GRIP1: variants seen among roughly 807,000 people sequenced by gnomAD.
GRIP1 encodes the protein glutamate receptor interacting protein 1.
GRIP1 carries 45 observed loss-of-function variants against 129.9 expected under a neutral mutation model. That is an observed-to-expected ratio of 0.35 (90% confidence interval 0.27 to 0.44). GRIP1 has a LOEUF of 0.44. Among genes scored for constraint, GRIP1 ranks in the 20% least tolerant of loss-of-function variants. The pLI is 1.00. For synonymous variants in GRIP1, 530 were observed against 520.8 expected (o/e 1.02, Z -0.24); for missense variants, 1,196 against 1,396.8 (o/e 0.86, Z 2.29).
At chr12:66,469,029 CTT>C (rs1345516515) in intron 7 of GRIP1, among the ~76,000 whole-genome samples, 4 of 152,024 alleles carry the variant, frequency 2.6e-5, no homozygotes, top group Non-Finnish European at 5.9e-5. Context: ...TTTTTTAAAA[CTT>C]AAAGTAGAAA....
intron 1 of GRIP1, among the ~76,000 whole-genome samples, chr12:67,048,846 C>T (rs998283816): frequency 6.6e-6 from 1 of 152,168 alleles, no homozygotes; most frequent in African/African-American, 2.4e-5. Flanking sequence ...ACTTGCACCT[C>T]CTTGCCTTCC....
intron 7 of GRIP1, among the ~76,000 whole-genome samples, chr12:66,482,328 T>C (rs2059829335): frequency 6.6e-6 from 1 of 152,150 alleles, no homozygotes; most frequent in Non-Finnish European, 1.5e-5. Context: ...CTGACATGGC[T>C]GGGATGAGCT....
At chr12:66,527,523 G>A (rs918008895) in intron 5 of GRIP1, among the ~76,000 whole-genome samples, 2 of 151,956 alleles carry the variant, frequency 1.3e-5, no homozygotes, top group Non-Finnish European at 2.9e-5. Context: ...GGGGAGTGTT[G>A]TGGGGTGTGG....
Position 66,539,227 on chromosome 12 carries a change from CAA to C in GRIP1, c.273-6_273-5del, listed in dbSNP as rs1340187124. 1.2e-6 allele frequency: 2 copies of C among 1,613,888 alleles called. No homozygotes were observed. Among genetic ancestry groups the C allele is most frequent in the Non-Finnish European group, 1.7e-6 (2 of 1,179,966 alleles). On this transcript the variant is annotated splice_region_variant and splice_polypyrimidine_tract_variant and intron_variant, in intron 3 of 24. Transcript: ENST00000359742. ...ACCCACATCCAGCTGGTCACTTCTG[CAA>C]AATAGACAATGTTGTTTCAACAGAC... is the stretch of plus-strand genomic sequence containing the variant.
At chr12:66,531,899 C>T (rs1319925492) in intron 4 of GRIP1, among the ~76,000 whole-genome samples, 1 of 152,096 alleles carries the variant, frequency 6.6e-6, no homozygotes, top group Non-Finnish European at 1.5e-5. Flanking sequence ...ATGGTTTACA[C>T]ATATTATTTC....
intron 1 of GRIP1, among the ~76,000 whole-genome samples, chr12:66,780,616 C>T (rs1156974330): frequency 6.6e-6 from 1 of 152,176 alleles, no homozygotes; most frequent in African/African-American, 2.4e-5. Flanking sequence ...CAATGTCTCC[C>T]ATGTACTGTT....
chr12:66,756,696 C>T (rs1321226754), intron 1 of GRIP1, among the ~76,000 whole-genome samples: 1 of 152,124 alleles, frequency 6.6e-6, no homozygotes, highest in African/African-American at 2.4e-5. Flanking sequence ...CATGCATCAT[C>T]TCATTTAATC....
In GRIP1 at chr12:66,396,801, C is replaced by A. The variant is rs573368012; in HGVS notation, c.1985-2449G>T. ...TCTGTTTTCTTTAACAAATAAATTG[C>A]CAGAAACACAAAAGAGAAAGGAGAT... is the stretch of plus-strand genomic sequence containing the variant. On this transcript the variant is annotated intron_variant, in intron 16 of 24. Transcript: ENST00000359742. 5.3e-5 allele frequency among the ~76,000 whole-genome samples: 8 copies of A among 152,092 alleles called. No homozygotes were observed. In the South Asian group the frequency reaches 1.7e-3, roughly 32 times the overall value.
At chr12:66,762,762 C>T (rs772871223) in intron 1 of GRIP1, among the ~76,000 whole-genome samples, 3 of 152,320 alleles carry the variant, frequency 2.0e-5, no homozygotes, top group Non-Finnish European at 4.4e-5. Context: ...TGAACACACA[C>T]AACTGCAAGG....
At chr12:66,494,132 C>T (rs575091498) in intron 7 of GRIP1, among the ~76,000 whole-genome samples, 6 of 152,262 alleles carry the variant, frequency 3.9e-5, no homozygotes, top group Admixed American at 3.9e-4. Context: ...CACTTTCTTC[C>T]TTCTTACTCA....
intron 1 of GRIP1, among the ~76,000 whole-genome samples, chr12:66,769,335 C>G (rs545280894): frequency 4.6e-5 from 7 of 151,936 alleles, no homozygotes; most frequent in Non-Finnish European, 7.4e-5. Context: ...AAGGTGAGGC[C>G]TCGTAAACTT....
In GRIP1 at chr12:66,785,841, G is replaced by T. The variant is rs529342198; in HGVS notation, c.-420+18212C>A. Among the ~76,000 whole-genome samples, 4 of 152,140 alleles carry T rather than the reference G, an allele frequency of 2.6e-5. No individual in the cohort carries two copies. The South Asian group carries it at 6.2e-4, about 24-fold the overall frequency. On this transcript the variant is annotated intron_variant, in intron 1 of 4. Coordinates refer to the GRIP1 transcript ENST00000538373. Reference sequence around the variant, plus strand: ...TCACACCTATAATCTCAGCACTTTGGGAGGCTGAGGTGGGAGGATTGCTTG... The same window carrying T: ...TCACACCTATAATCTCAGCACTTTGTGAGGCTGAGGTGGGAGGATTGCTTG...
intron 5 of GRIP1, among the ~76,000 whole-genome samples, chr12:66,527,290 T>G (rs1290134120): frequency 1.3e-5 from 2 of 151,582 alleles, no homozygotes; most frequent in South Asian, 4.2e-4. Flanking sequence ...TGTCCAACAA[T>G]GATAGACTGG....
intron 1 of GRIP1, among the ~76,000 whole-genome samples, chr12:66,895,766 C>A (rs1172462163): frequency 6.6e-6 from 1 of 152,178 alleles, no homozygotes; most frequent in Non-Finnish European, 1.5e-5. Flanking sequence ...TATTAATGTT[C>A]ATTTACCAGA....
chr12:66,540,440 T>C (rs10878445), intron 3 of GRIP1, among the ~76,000 whole-genome samples: 104,187 of 152,092 alleles, frequency 0.69, 36,111 homozygotes, highest in African/African-American at 0.8. Context: ...AAAGAAGCTC[T>C]GGAGACTTAT....
chr12:66,458,643 C>G (rs1191980573), intron 9 of GRIP1, among the ~76,000 whole-genome samples: 1 of 152,188 alleles, frequency 6.6e-6, no homozygotes, highest in Non-Finnish European at 1.5e-5. Context: ...CCTCGGCCTC[C>G]CAAAGTGCTG....
intron 1 of GRIP1, chr12:66,630,366 A>G (rs2030629654): frequency 6.6e-6 from 1 of 151,946 alleles, no homozygotes; most frequent in Admixed American, 6.6e-5. Context: ...AAAAATCAGA[A>G]TCCCTGTCCT....
At chr12:66,737,988 G>A (rs897968585) in intron 1 of GRIP1, among the ~76,000 whole-genome samples, 1 of 152,144 alleles carries the variant, frequency 6.6e-6, no homozygotes, top group African/African-American at 2.4e-5. Context: ...ATCAAGGAAG[G>A]ATTCACGTGG....
intron 1 of GRIP1, among the ~76,000 whole-genome samples, chr12:66,714,953 C>G (rs146990862): frequency 6.6e-6 from 1 of 151,866 alleles, no homozygotes; most frequent in Non-Finnish European, 1.5e-5. Flanking sequence ...CCAATCCAAT[C>G]CATTTATACA....
Sources: gnomAD v4.1 joint callset for allele counts (sites outside exome capture counted in the v4.1 genomes callset) on GRCh38, gnomAD v4.1.1 for gene constraint, MANE v1.5 for transcripts, NCBI Gene and HGNC (gene_info 2026-07-23, HGNC 2026-07-21) for gene names.